Variants in PLEKHA5 observed in about 807,000 individuals in gnomAD.
PLEKHA5 encodes pleckstrin homology domain-containing family A member 5.
In PLEKHA5, 55 loss-of-function variants were observed where a neutral mutation model predicts 181.9. The ratio of observed to expected loss-of-function variants is 0.30; its 90% confidence interval spans 0.24 to 0.38. PLEKHA5 has a LOEUF of 0.38. Ranked by LOEUF, PLEKHA5 falls within the 10% of genes least tolerant of loss-of-function variation. The pLI, the probability that PLEKHA5 is intolerant of heterozygous loss-of-function variation, is 1.00. For synonymous variants in PLEKHA5, 535 were observed against 529.4 expected (o/e 1.01, Z -0.15); for missense variants, 1,432 against 1,549.5 (o/e 0.92, Z 1.27).
At chr12:19,194,763 A>G (rs998564729) in intron 3 of PLEKHA5, among the ~76,000 whole-genome samples, 7 of 152,198 alleles carry the variant, frequency 4.6e-5, no homozygotes, top group African/African-American at 1.7e-4. Context: ...CAAGTGCTCT[A>G]GGGACTTGCA....
At chr12:19,265,013 A>G (rs569330351) in intron 7 of PLEKHA5, among the ~76,000 whole-genome samples, 3 of 152,210 alleles carry the variant, frequency 2.0e-5, no homozygotes, top group Admixed American at 6.5e-5. Flanking sequence ...TTTCCTAGGT[A>G]TATTTTATGT....
At chr12:19,313,218 A>C (rs2087219778) in intron 15 of PLEKHA5, among the ~76,000 whole-genome samples, 1 of 152,162 alleles carries the variant, frequency 6.6e-6, no homozygotes, top group South Asian at 2.1e-4. Context: ...TCTACAAAAA[A>C]TAAAAAATTA....
At chr12:19,337,343 A>G (rs1449760465) in intron 21 of PLEKHA5, among the ~76,000 whole-genome samples, 1 of 152,102 alleles carries the variant, frequency 6.6e-6, no homozygotes, top group Non-Finnish European at 1.5e-5. Flanking sequence ...ACCTGAGGTC[A>G]GGAGTTTGAG....
At position 19,366,080 on chromosome 12, in the gene PLEKHA5, A is replaced by G. The variant is rs373102851; in HGVS notation, c.3725A>G (p.Glu1242Gly). 5.0e-6 allele frequency: 8 copies of G among 1,611,622 alleles called. No homozygotes were observed. Among genetic ancestry groups the G allele is most frequent in the Non-Finnish European group, 6.8e-6 (8 of 1,178,958 alleles). ...GTTATTTCTTACGAATCAACTCCTGAGGTTTCTAGAGGAAATCAAACAATG... is the reference window on the plus strand; with the variant it reads ...GTTATTTCTTACGAATCAACTCCTGGGGTTTCTAGAGGAAATCAAACAATG... ...ETVISYESTP[E>G]VSRGNQTMAV... is the part of the protein sequence containing the mutation. Residue 1242 changes from glutamate to glycine, a missense_variant, in exon 30 of 32, where the codon GAG (glutamate) becomes GGG (glycine). Around this residue, in one of 2 missense-constraint regions of PLEKHA5, gnomAD observed 1,143 missense variants for 1,168.4 expected, o/e 0.98. Coordinates refer to ENST00000429027, the MANE Select transcript of PLEKHA5 (RefSeq NM_001256470.2).
At chr12:19,167,129 G>A in intron 3 of PLEKHA5, among the ~76,000 whole-genome samples, 1 of 152,078 alleles carries the variant, frequency 6.6e-6, no homozygotes, top group East Asian at 1.9e-4. Flanking sequence ...TGCAATCCAT[G>A]CTTTGTATAG....
chr12:19,328,556 GGAGTGT>G (rs1459675988), intron 20 of PLEKHA5, among the ~76,000 whole-genome samples: 1 of 106,344 alleles, frequency 9.4e-6, no homozygotes, highest in Non-Finnish European at 1.9e-5. Flanking sequence ...TGCTTTCCTA[GGAGTGT>G]GTGTGTGTGT....
Position 19,254,493 on chromosome 12 carries a change from C to A in PLEKHA5, c.311+470C>A, listed in dbSNP as rs570771763. ...CATTTTTAATTTTTCAGTTGGGTGA[C>A]CAAGTAGAATATCTGCAATAATGCC... is the stretch of plus-strand genomic sequence containing the variant. On this transcript the variant is annotated intron_variant, in intron 4 of 31. Transcript: ENST00000429027. Among the ~76,000 whole-genome samples, 17 of 152,166 alleles carry A rather than the reference C, an allele frequency of 1.1e-4. No individual in the cohort carries two copies. The South Asian group carries it at 3.5e-3, about 32-fold the overall frequency.
At chr12:19,190,599 C>T (rs767936156) in intron 3 of PLEKHA5, among the ~76,000 whole-genome samples, 1 of 152,148 alleles carries the variant, frequency 6.6e-6, no homozygotes, top group African/African-American at 2.4e-5. Flanking sequence ...CTTGAAAGCC[C>T]AGCATATCTA....
At chr12:19,267,408 A>G (rs2070837714) in intron 8 of PLEKHA5, among the ~76,000 whole-genome samples, 1 of 152,226 alleles carries the variant, frequency 6.6e-6, no homozygotes. Flanking sequence ...CTGTAATCCC[A>G]GCACTTTGGG....
At chr12:19,148,827 G>T (rs887420219) in intron 3 of PLEKHA5, among the ~76,000 whole-genome samples, 12 of 152,152 alleles carry the variant, frequency 7.9e-5, no homozygotes, top group African/African-American at 2.9e-4. Context: ...TTATTTTGTT[G>T]TTAACAGAAT....
At position 19,320,577 on chromosome 12, in the gene PLEKHA5, G is replaced by C. The variant is rs753042545; in HGVS notation, c.2170G>C (p.Gly724Arg). 5 of 1,511,954 alleles carry C rather than the reference G, an allele frequency of 3.3e-6. No homozygotes were observed. The East Asian group carries it at 1.1e-4, about 34-fold the overall frequency. 93.7% of individuals were successfully genotyped at this position (1,511,954 alleles called of 1,614,324 possible). The stretch of plus-strand genomic sequence containing the variant: ...TTTCTTATAGCTGTCACAAGATGAA[G>C]GTAGAGGCACATTATACAAATACAG... The part of the protein sequence containing the change: ...ISLYCLSQDE[G>R]RGTLYKYRPE... The change falls in exon 18 of 32, where the codon GGT (glycine) becomes CGT (arginine). Residue 724 changes from glycine (G) to arginine (R), a missense_variant. Physicochemically the swap from Gly to Arg is moderately radical, Grantham distance 125. This residue lies in a region of PLEKHA5 where 1,143 missense variants were observed against 1,168.4 expected (regional missense o/e 0.98). Coordinates refer to ENST00000429027, the MANE Select transcript of PLEKHA5 (RefSeq NM_001256470.2).
rs187551976 is a variant in PLEKHA5, at chr12:19,178,437, G to A, written c.227+45987G>A. ...AAGAAGTCACAAGTTAGAGAGACAG[G>A]TGCAGCATTGCAGCTACACGAAGTG... is the stretch of plus-strand genomic sequence containing the variant. On this transcript the variant is annotated intron_variant, in intron 3 of 31. Transcript: ENST00000429027. Among the ~76,000 whole-genome samples, 421 of 152,300 alleles carry A rather than the reference G, an allele frequency of 2.8e-3. 1 individual carries two copies. The highest frequency in any genetic ancestry group is 5.2e-3 in the Non-Finnish European group (352 of 68,020).
chr12:19,239,552 A>C (rs923857430), intron 3 of PLEKHA5, among the ~76,000 whole-genome samples: 2 of 152,258 alleles, frequency 1.3e-5, no homozygotes, highest in East Asian at 3.8e-4. Flanking sequence ...AAAGTGCATT[A>C]CTATCTGGGC....
At chr12:19,311,115 AT>A (rs2152986036) in intron 15 of PLEKHA5, among the ~76,000 whole-genome samples, 1 of 152,076 alleles carries the variant, frequency 6.6e-6, no homozygotes, top group East Asian at 1.9e-4. Flanking sequence ...TTGAGAACAT[AT>A]TGCCCGTCGT....
intron 11 of PLEKHA5, among the ~76,000 whole-genome samples, chr12:19,277,075 G>A (rs1043864828): frequency 2.6e-5 from 4 of 152,058 alleles, no homozygotes; most frequent in Non-Finnish European, 5.9e-5. Context: ...TGACAGACAT[G>A]AATAAGCTTA....
At chr12:19,360,316 A>G (rs1041427589) in intron 28 of PLEKHA5, among the ~76,000 whole-genome samples, 1 of 151,782 alleles carries the variant, frequency 6.6e-6, no homozygotes, top group Non-Finnish European at 1.5e-5. Flanking sequence ...AAAAAAAACA[A>G]AAAAAACGTG....
intron 3 of PLEKHA5, among the ~76,000 whole-genome samples, chr12:19,241,845 C>T (rs997488950): frequency 6.6e-6 from 1 of 151,924 alleles, no homozygotes; most frequent in Non-Finnish European, 1.5e-5. Context: ...ACCATATGCG[C>T]CTGCACAGTG....
intron 3 of PLEKHA5, chr12:19,153,223 A>C (rs895759532): frequency 6.6e-6 from 1 of 152,114 alleles, no homozygotes; most frequent in African/African-American, 2.4e-5. Context: ...CTCTATTTCT[A>C]CTTTAGTAAG....
intron 3 of PLEKHA5, among the ~76,000 whole-genome samples, chr12:19,237,589 A>C (rs568509188): frequency 6.6e-6 from 1 of 152,172 alleles, no homozygotes; most frequent in African/African-American, 2.4e-5. Flanking sequence ...GGGCCATATC[A>C]GTGATATGAT....
Sources: gnomAD v4.1 joint callset for allele counts (sites outside exome capture counted in the v4.1 genomes callset) on GRCh38, gnomAD v4.1.1 for gene constraint, gnomAD v4.1.1 regional missense constraint, MANE v1.5 for transcripts, NCBI Gene and HGNC (gene_info 2026-07-23, HGNC 2026-07-21) for gene names.